SLC4A10: variants seen among roughly 807,000 people sequenced by gnomAD.
The protein encoded by SLC4A10 is solute carrier family 4 member 10.
A neutral mutation model predicts 137.7 loss-of-function variants in SLC4A10; 42 were observed. The observed-to-expected ratio is 0.30, with a 90% CI of 0.24 to 0.39. The LOEUF (loss-of-function observed/expected upper bound fraction) is 0.39, where lower values mean the gene tolerates loss of function less well. Among genes scored for constraint, SLC4A10 ranks in the 10% least tolerant of loss-of-function variants. SLC4A10 has a pLI of 1.00. For missense variants in SLC4A10, 925 were observed against 1,355.0 expected (o/e 0.68, Z 4.98); for synonymous variants, 474 against 464.1 (o/e 1.02, Z -0.27).
intron 15 of SLC4A10, among the ~76,000 whole-genome samples, chr2:161,911,747 A>G (rs780313333): frequency 6.6e-5 from 10 of 152,074 alleles, no homozygotes; most frequent in Non-Finnish European, 1.5e-4. Context: ...TATTGTATGA[A>G]CATGTTTATT....
At chr2:161,830,037 G>A (rs1054635614) in intron 3 of SLC4A10, among the ~76,000 whole-genome samples, 2 of 151,760 alleles carry the variant, frequency 1.3e-5, no homozygotes, top group African/African-American at 4.8e-5. Context: ...ATGAGATTTG[G>A]GTGAGGACAC....
At chr2:161,829,971 A>C (rs111516247) in intron 3 of SLC4A10, among the ~76,000 whole-genome samples, 1 of 152,186 alleles carries the variant, frequency 6.6e-6, no homozygotes, top group African/African-American at 2.4e-5. Context: ...TGATTCAATT[A>C]TCTCTCACTG....
intron 1 of SLC4A10, among the ~76,000 whole-genome samples, chr2:161,693,081 G>A (rs1490801650): frequency 1.3e-5 from 2 of 152,118 alleles, no homozygotes; most frequent in East Asian, 3.9e-4. Flanking sequence ...TCTCAGAACT[G>A]GAGAAAAAGG....
intron 1 of SLC4A10, among the ~76,000 whole-genome samples, chr2:161,699,768 T>C (rs1467897841): frequency 6.6e-6 from 1 of 152,192 alleles, no homozygotes; most frequent in Non-Finnish European, 1.5e-5. Flanking sequence ...TGTTCAACTT[T>C]GATGGATAGA....
chr2:161,786,173 G>T (rs1042686421), intron 2 of SLC4A10, among the ~76,000 whole-genome samples: 3 of 151,582 alleles, frequency 2.0e-5, no homozygotes, highest in Admixed American at 6.6e-5. Context: ...ATTATATAAT[G>T]TTATTCTTTG....
At chr2:161,976,722 T>A (rs1699436324) in intron 24 of SLC4A10, 38 bp from the exon 25 acceptor site, 1 of 1,064,378 alleles carries the variant, frequency 9.4e-7, no homozygotes, top group African/African-American at 1.6e-5. Flanking sequence ...GTTACTTATG[T>A]AATGTTTATT....
chr2:161,914,913 A>G (rs1198818817), intron 15 of SLC4A10, among the ~76,000 whole-genome samples: 1 of 152,112 alleles, frequency 6.6e-6, no homozygotes, highest in Non-Finnish European at 1.5e-5. Context: ...GTCCCTGGCA[A>G]AACCCCACTT....
At chr2:161,951,278 TTTAA>T (rs1248027911) in intron 19 of SLC4A10, among the ~76,000 whole-genome samples, 3 of 152,310 alleles carry the variant, frequency 2.0e-5, no homozygotes, top group South Asian at 2.1e-4. Context: ...TCTCATTTTC[TTTAA>T]TTATTTTTCT....
At chr2:161,972,082 T>C (rs1041945208) in intron 23 of SLC4A10, among the ~76,000 whole-genome samples, 4 of 152,214 alleles carry the variant, frequency 2.6e-5, no homozygotes, top group African/African-American at 9.6e-5. Flanking sequence ...TTTTGCATTT[T>C]ACTCTTTCTT....
chr2:161,939,861 C>G (rs561951682), intron 15 of SLC4A10, among the ~76,000 whole-genome samples: 2 of 151,860 alleles, frequency 1.3e-5, no homozygotes, highest in Non-Finnish European at 2.9e-5. Flanking sequence ...GTAATTATAA[C>G]TGTGTAAGTA....
intron 7 of SLC4A10, among the ~76,000 whole-genome samples, 173 bp downstream of exon 7, chr2:161,872,557 CA>C (rs5835886): frequency 0.86 from 110,538 of 128,924 alleles, 47,067 homozygotes; most frequent in Middle Eastern, 0.9. Flanking sequence ...TTTGCCTATT[CA>C]AAAAAAAAAA....
chr2:161,634,709 A>T (rs1160035883), intron 1 of SLC4A10, among the ~76,000 whole-genome samples: 1 of 152,038 alleles, frequency 6.6e-6, no homozygotes, highest in Non-Finnish European at 1.5e-5. Context: ...CTTTATTATG[A>T]AAACATTCAA....
chr2:161,747,288 T>C (rs1445014855), intron 1 of SLC4A10, among the ~76,000 whole-genome samples: 4 of 152,184 alleles, frequency 2.6e-5, no homozygotes, highest in Non-Finnish European at 5.9e-5. Context: ...ATGTTCTCTC[T>C]GTGGGTGCTG....
intron 2 of SLC4A10, among the ~76,000 whole-genome samples, chr2:161,789,229 T>C (rs1317178173): frequency 1.3e-5 from 2 of 152,098 alleles, no homozygotes; most frequent in Non-Finnish European, 2.9e-5. Flanking sequence ...TTGCCTGGGA[T>C]TTCAAGGGCA....
intron 9 of SLC4A10, among the ~76,000 whole-genome samples, chr2:161,880,404 G>C (rs1279478828): frequency 6.6e-6 from 1 of 152,118 alleles, no homozygotes; most frequent in Non-Finnish European, 1.5e-5. Flanking sequence ...TACAACTATG[G>C]AACAGCACAG....
intron 23 of SLC4A10, among the ~76,000 whole-genome samples, chr2:161,969,705 G>A (rs529517749): frequency 6.6e-6 from 1 of 152,154 alleles, no homozygotes; most frequent in East Asian, 1.9e-4. Flanking sequence ...ATACACTATA[G>A]GAGAAAACAA....
chr2:161,675,940 T>C (rs1472747320), intron 1 of SLC4A10, among the ~76,000 whole-genome samples: 2 of 152,244 alleles, frequency 1.3e-5, no homozygotes, highest in Non-Finnish European at 2.9e-5. Context: ...AATGAAATCA[T>C]GTACTTTTTC....
chr2:161,645,213 T>C (rs1425951186), intron 1 of SLC4A10, among the ~76,000 whole-genome samples: 1 of 84,434 alleles, frequency 1.2e-5, no homozygotes. Context: ...TTGGAAGCAA[T>C]TCGGGAATTT....
At chr2:161,872,823 C>G (rs2061219001) in intron 7 of SLC4A10, among the ~76,000 whole-genome samples, 2 of 152,186 alleles carry the variant, frequency 1.3e-5, no homozygotes, top group Admixed American at 6.5e-5. Flanking sequence ...AAGCAATTCT[C>G]AAGCCTCAGC....
Sources: gnomAD v4.1 joint callset for allele counts (sites outside exome capture counted in the v4.1 genomes callset) on GRCh38, gnomAD v4.1.1 for gene constraint, MANE v1.5 for transcripts, NCBI Gene and HGNC (gene_info 2026-07-23, HGNC 2026-07-21) for gene names.